Variants in PSD2 observed in about 807,000 individuals in gnomAD.
PSD2 encodes the protein pleckstrin and Sec7 domain containing 2.
PSD2 carries 38 observed loss-of-function variants against 69.8 expected under a neutral mutation model. That is an observed-to-expected ratio of 0.54 (90% CI 0.42 to 0.71). The LOEUF (loss-of-function observed/expected upper bound fraction) is 0.71. Ranked by LOEUF, PSD2 falls within the 30% of genes least tolerant of loss-of-function variation. The pLI is 0.00. For synonymous variants in PSD2, 412 were observed against 423.0 expected, an observed-to-expected ratio of 0.97 and a Z score of 0.32; for missense variants, 943 against 1,014.5, an observed-to-expected ratio of 0.93 and a Z score of 0.96.
the PSD2 span, among the ~76,000 whole-genome samples, chr5:139,760,151 G>T: frequency 6.6e-6 from 1 of 152,246 alleles, no homozygotes; most frequent in African/African-American, 2.4e-5. Flanking sequence ...CAGGGTTGCT[G>T]ACTGCTTCCA....
the PSD2 span, among the ~76,000 whole-genome samples, chr5:139,773,914 C>A: frequency 6.6e-6 from 1 of 151,776 alleles, no homozygotes; most frequent in African/African-American, 2.4e-5. Context: ...ACTGGCTGAA[C>A]CCTTTTATAT....
At chr5:139,787,307 C>T in the PSD2 span, among the ~76,000 whole-genome samples, 1 of 152,206 alleles carries the variant, frequency 6.6e-6, no homozygotes, top group African/African-American at 2.4e-5. Context: ...CCCTCCACTC[C>T]ACCCCCACGC....
At chr5:139,761,149 G>A in the PSD2 span, among the ~76,000 whole-genome samples, 4 of 152,168 alleles carry the variant, frequency 2.6e-5, no homozygotes, top group African/African-American at 7.2e-5. Flanking sequence ...TCCCTGCTGC[G>A]TGCCAGGCCT....
chr5:139,815,995 TAAAAAAAA>T lies in PSD2; in HGVS notation c.1017-1472_1017-1465del, dbSNP rs768724760. Among the ~76,000 whole-genome samples the T allele has an allele frequency of 1.4e-4, 13 of 92,756 alleles. No homozygotes were observed. The Admixed American group carries it at 1.4e-3, about 10-fold the overall frequency. 60.9% of individuals were successfully genotyped at this position (92,756 alleles called of 152,430 possible). On this transcript the variant is annotated intron_variant, in intron 4 of 14. Transcript: ENST00000274710. ...GGCAACAGAGCAACACTCCATATATTAAAAAAAAAAAAAAAAAAAAAGAAAATTTCAAA... is the reference window on the plus strand; with the variant it reads ...GGCAACAGAGCAACACTCCATATATTAAAAAAAAAAAAAGAAAATTTCAAA...
intron 4 of PSD2, among the ~76,000 whole-genome samples, chr5:139,817,018 C>T (rs1487924468): frequency 6.6e-6 from 1 of 152,210 alleles, no homozygotes; most frequent in Admixed American, 6.5e-5. Flanking sequence ...ATGGCAGTCC[C>T]CCTGTGGGTC....
the PSD2 span, among the ~76,000 whole-genome samples, chr5:139,764,022 A>T: frequency 1.3e-5 from 2 of 152,192 alleles, no homozygotes; most frequent in Non-Finnish European, 2.9e-5. Flanking sequence ...TGGTGAATAG[A>T]TGAGCTCTCC....
At chr5:139,797,889 G>A (rs774222137) in intron 1 of PSD2, among the ~76,000 whole-genome samples, 8 of 152,170 alleles carry the variant, frequency 5.3e-5, no homozygotes, top group Non-Finnish European at 1.0e-4. Context: ...GGAGAGAGGT[G>A]GGAGGTGGGA....
At position 139,809,482 on chromosome 5, in the gene PSD2, C is replaced by A; in HGVS notation, c.42C>A (p.Gly14=). Residue 14 remains glycine (G), a synonymous_variant, in exon 2 of 15, where the codon GGC becomes GGA. Transcript: ENST00000274710. The part of the protein sequence containing the change: ...DKLLSAVPEE[G]DATRDPGPEP... ...TCTTATCTGCAGTGCCTGAGGAAGG[C>A]GATGCCACCCGTGACCCCGGTCCAG... 1 of 1,612,394 alleles carries A rather than the reference C, an allele frequency of 6.2e-7. No individual in the cohort carries two copies. The highest frequency in any genetic ancestry group is 1.1e-5 in the South Asian group (1 of 90,758).
chr5:139,783,943 CT>C, the PSD2 span, among the ~76,000 whole-genome samples: 10,105 of 87,650 alleles, frequency 0.12, 670 homozygotes, highest in Middle Eastern at 0.3. Context: ...TCTGCTAGCT[CT>C]TTTTTTTTTT....
At chr5:139,799,091 T>C (rs1759601842) in intron 1 of PSD2, among the ~76,000 whole-genome samples, 1 of 152,170 alleles carries the variant, frequency 6.6e-6, no homozygotes, top group African/African-American at 2.4e-5. Flanking sequence ...GAATATCTCA[T>C]AGATGATGTC....
chr5:139,840,972 G>A (rs889661031), intron 14 of PSD2, among the ~76,000 whole-genome samples: 1 of 152,100 alleles, frequency 6.6e-6, no homozygotes, highest in African/African-American at 2.4e-5. Flanking sequence ...TATTCACATT[G>A]TTGTGTAACC....
rs1468810286 is a variant in PSD2 at position 139,814,846 on chromosome 5, C to A, written c.1016+482C>A. Reference sequence around the variant, plus strand: ...CAAAGCACACACCCTGGCCTTCAGACCAGGTGCAAAGGGAACTGGCTAGAT... The same window carrying A: ...CAAAGCACACACCCTGGCCTTCAGAACAGGTGCAAAGGGAACTGGCTAGAT... On this transcript the variant is annotated intron_variant, in intron 4 of 14. Transcript: ENST00000274710. The surrounding 1 kb of genome is among the most constrained non-coding windows in gnomAD (Gnocchi z 4.4). Among the ~76,000 whole-genome samples the A allele has an allele frequency of 1.3e-5, 2 of 152,124 alleles. No individual in the cohort carries two copies. The highest frequency in any genetic ancestry group is 3.9e-4 in the East Asian group (2 of 5,174).
At chr5:139,763,713 C>A in the PSD2 span, among the ~76,000 whole-genome samples, 3 of 152,250 alleles carry the variant, frequency 2.0e-5, no homozygotes, top group South Asian at 2.1e-4. Flanking sequence ...GGCCTCCAAG[C>A]AGCTTCCTAA....
In PSD2 at chr5:139,838,707, G is replaced by A. The variant is rs759585457; in HGVS notation, c.1903G>A (p.Ala635Thr). 20 of 1,613,812 alleles carry A rather than the reference G, an allele frequency of 1.2e-5. No homozygotes were observed. The East Asian group carries it at 1.8e-4, about 14-fold the overall frequency. The part of the protein sequence containing the change: ...AIFSAPAFPA[A>T]VSSMKKFCRP... Reference sequence around the variant, plus strand: ...CTTCTCTGCCCCGGCCTTCCCAGCCGCTGTCAGCTCCATGAAGAAGTTCTG... The same window carrying A: ...CTTCTCTGCCCCGGCCTTCCCAGCCACTGTCAGCTCCATGAAGAAGTTCTG... The change falls in exon 13 of 15, where the codon GCT becomes ACT. Residue 635 changes from alanine to threonine, a missense_variant. Coordinates refer to ENST00000274710, the MANE Select transcript of PSD2 (RefSeq NM_032289.4).
chr5:139,810,435 A>G (rs1759928890), intron 2 of PSD2, among the ~76,000 whole-genome samples: 1 of 152,234 alleles, frequency 6.6e-6, no homozygotes, highest in African/African-American at 2.4e-5. Context: ...AAAAGAAAGC[A>G]TTTAGAAGTC....
the PSD2 span, among the ~76,000 whole-genome samples, chr5:139,752,382 T>C: frequency 1.3e-5 from 2 of 152,042 alleles, no homozygotes; most frequent in Non-Finnish European, 2.9e-5. Context: ...GCATGCACTG[T>C]CACCTGGGTG....
At position 139,795,940 on chromosome 5, in the gene PSD2, C is replaced by T. The variant is rs1460676327; in HGVS notation, c.-86C>T. ...GCCCGGCGGCCTCCGATGGCCCCGC[C>T]GTGAGAGGCCGGACCCGCGGCGGGG... On this transcript the variant is annotated 5_prime_UTR_variant, in exon 1 of 15. Coordinates refer to ENST00000274710, the MANE Select transcript of PSD2 (RefSeq NM_032289.4). This position sits in a 1 kb window ranked among gnomAD's most constrained non-coding sequence, Gnocchi z 4.5. 4 of 150,786 alleles carry T rather than the reference C, an allele frequency of 2.7e-5. No individual in the cohort carries two copies. The highest frequency in any genetic ancestry group is 5.9e-5 in the Non-Finnish European group (4 of 67,560). The allele number at this position is 150,786 out of a possible 1,614,324, so 9.3% of individuals were successfully genotyped here.
intron 2 of PSD2, among the ~76,000 whole-genome samples, chr5:139,811,324 T>G (rs967760021): frequency 6.6e-6 from 1 of 152,072 alleles, no homozygotes; most frequent in African/African-American, 2.4e-5. Flanking sequence ...GGACAGAATC[T>G]TAGGCACTGG....
At chr5:139,758,935 G>A in the PSD2 span, among the ~76,000 whole-genome samples, 11 of 152,158 alleles carry the variant, frequency 7.2e-5, no homozygotes, top group African/African-American at 2.4e-4. Context: ...CTTGCCGCTG[G>A]GAGGTTCTGC....
Sources: allele counts gnomAD v4.1 joint callset (sites outside exome capture counted in the v4.1 genomes callset), GRCh38; gene constraint gnomAD v4.1.1; non-coding constraint Gnocchi (gnomAD v3.1); transcripts MANE v1.5; gene names NCBI Gene and HGNC (gene_info 2026-07-23, HGNC 2026-07-21).